GPHN: variants seen among roughly 807,000 people sequenced by gnomAD.
The protein encoded by GPHN is gephyrin.
GPHN carries 17 observed loss-of-function variants against 95.5 expected under a neutral mutation model. The ratio of observed to expected loss-of-function variants is 0.18; its 90% CI spans 0.12 to 0.27. The LOEUF is 0.27. GPHN is among the 10% of genes least tolerant of loss of function. The probability of loss-of-function intolerance (pLI) is 1.00; values close to 1 mark genes in which losing one functional copy is unlikely to be tolerated. For missense variants in GPHN, 660 were observed against 978.1 expected (o/e 0.67, Z 4.34); for synonymous variants, 320 against 322.5 (o/e 0.99, Z 0.08).
chr14:66,868,471 G>A (rs2063310253), intron 4 of GPHN, among the ~76,000 whole-genome samples: 1 of 152,002 alleles, frequency 6.6e-6, no homozygotes, highest in East Asian at 1.9e-4. Context: ...TCGGCTCACT[G>A]CAGCCTCTGC....
At chr14:66,545,120 G>A (rs1479797851) in intron 1 of GPHN, among the ~76,000 whole-genome samples, 4 of 152,202 alleles carry the variant, frequency 2.6e-5, no homozygotes, top group South Asian at 2.1e-4. Context: ...GGTGGTGGCC[G>A]GGCAGAGGGG....
chr14:66,543,581 G>A lies in GPHN; in HGVS notation c.64+34990G>A, dbSNP rs531961231. Among the ~76,000 whole-genome samples, 10 of 152,260 alleles carry A rather than the reference G, an allele frequency of 6.6e-5. No homozygotes were observed. The East Asian group carries it at 1.7e-3, about 26-fold the overall frequency. ...ATCTACTTGACATTACTATTTGGGT[G>A]TCTTAGTGACTTAATTAATATATTC... On this transcript the variant is annotated intron_variant, in intron 1 of 22. Coordinates refer to ENST00000478722, the MANE Select transcript of GPHN (RefSeq NM_020806.5).
intron 12 of GPHN, among the ~76,000 whole-genome samples, chr14:67,091,420 A>G (rs763105174): frequency 1.3e-4 from 19 of 151,718 alleles, no homozygotes; most frequent in Admixed American, 3.3e-4. Flanking sequence ...GGCTTGAAAT[A>G]GTTTCTTATT....
intron 1 of GPHN, among the ~76,000 whole-genome samples, chr14:66,640,856 T>G (rs1234532529): frequency 6.6e-6 from 1 of 152,198 alleles, no homozygotes. Flanking sequence ...CAAGTCTCAG[T>G]TGTATCTGTA....
At chr14:67,067,241 T>C (rs1397621869) in intron 11 of GPHN, among the ~76,000 whole-genome samples, 4 of 152,206 alleles carry the variant, frequency 2.6e-5, no homozygotes, top group African/African-American at 9.6e-5. Flanking sequence ...AGACACTGTT[T>C]CCTTGGGTAT....
chr14:67,036,501 G>GCGCACACACACACACACACACA (rs1555469785), intron 10 of GPHN, among the ~76,000 whole-genome samples: 2 of 118,148 alleles, frequency 1.7e-5, no homozygotes, highest in African/African-American at 7.7e-5. Context: ...ATACATACAT[G>GCGCACACACACACACACACACA]CACACACACA....
At chr14:66,776,217 T>C (rs1340540214) in intron 2 of GPHN, among the ~76,000 whole-genome samples, 1 of 152,192 alleles carries the variant, frequency 6.6e-6, no homozygotes, top group African/African-American at 2.4e-5. Context: ...ATTAAAATCA[T>C]CAATAAGAGG....
intron 3 of GPHN, among the ~76,000 whole-genome samples, chr14:66,793,927 A>G (rs990685618): frequency 2.0e-5 from 3 of 152,196 alleles, no homozygotes; most frequent in Non-Finnish European, 4.4e-5. Flanking sequence ...AAATCCAGAT[A>G]TATCATTAAT....
chr14:66,585,205 G>A (rs2061369962), intron 1 of GPHN, among the ~76,000 whole-genome samples: 1 of 152,128 alleles, frequency 6.6e-6, no homozygotes, highest in South Asian at 2.1e-4. Flanking sequence ...TCTGATGGTA[G>A]TTTGTATTTC....
intron 4 of GPHN, among the ~76,000 whole-genome samples, chr14:66,874,988 A>C (rs1474780199): frequency 6.6e-6 from 1 of 152,204 alleles, no homozygotes; most frequent in African/African-American, 2.4e-5. Context: ...GAAGGAATAA[A>C]TGGTAAGGGC....
the GPHN span, among the ~76,000 whole-genome samples, chr14:67,193,002 A>C: frequency 1.4e-5 from 2 of 146,112 alleles, no homozygotes; most frequent in Non-Finnish European, 3.0e-5. Context: ...ATATCTCTAT[A>C]TATCAATATC....
the GPHN span, chr14:67,733,757 G>C: frequency 1.2e-6 from 2 of 1,612,794 alleles, no homozygotes; most frequent in Non-Finnish European, 1.7e-6. Context: ...GACTGCAAGA[G>C]GACCTGGGTG....
At chr14:66,859,516 G>A (rs575764156) in intron 4 of GPHN, among the ~76,000 whole-genome samples, 11 of 152,278 alleles carry the variant, frequency 7.2e-5, no homozygotes, top group African/African-American at 2.4e-4. Flanking sequence ...GTGCCAACAA[G>A]CCCAGATTGC....
chr14:67,499,557 G>T, the GPHN span, among the ~76,000 whole-genome samples: 1 of 152,214 alleles, frequency 6.6e-6, no homozygotes, highest in Non-Finnish European at 1.5e-5. Flanking sequence ...ATAAATAGGT[G>T]CCAGGCTTGG....
the GPHN span, among the ~76,000 whole-genome samples, chr14:67,193,606 T>A: frequency 6.9e-6 from 1 of 145,638 alleles, no homozygotes; most frequent in Non-Finnish European, 1.5e-5. Context: ...TATCTATAGA[T>A]ATATAGATAG....
In GPHN at chr14:66,843,072, A is replaced by G. The variant is rs150520926; in HGVS notation, c.294+18506A>G. On this transcript the variant is annotated intron_variant, in intron 4 of 22. Transcript: ENST00000478722. ...TGAGAGCTTGCTATTACACTACCCA[A>G]CTGCTTCTGATGATCTGTCATTGTT... Among the ~76,000 whole-genome samples, 18 of 151,820 alleles carry G rather than the reference A, an allele frequency of 1.2e-4. No homozygotes were observed. The East Asian group carries it at 3.3e-3, about 28-fold the overall frequency.
At chr14:66,531,601 A>G (rs886991330) in intron 1 of GPHN, among the ~76,000 whole-genome samples, 42 of 152,148 alleles carry the variant, frequency 2.8e-4, no homozygotes, top group African/African-American at 1.0e-3. Context: ...ATGGTAATGG[A>G]TCTAATTTTG....
chr14:67,179,517 T>G, intron 21 of GPHN, 61 bp from the exon 22 acceptor site: 1 of 938,042 alleles, frequency 1.1e-6, no homozygotes. Context: ...CCCTACTATC[T>G]TGTATTTTTG....
the GPHN span, chr14:67,343,388 T>C: frequency 6.2e-7 from 1 of 1,612,376 alleles, no homozygotes. Context: ...CAATGGCATT[T>C]ACACGCCTGT....
Sources: allele counts gnomAD v4.1 joint callset (sites outside exome capture counted in the v4.1 genomes callset), GRCh38; gene constraint gnomAD v4.1.1; transcripts MANE v1.5; gene names NCBI Gene and HGNC (gene_info 2026-07-23, HGNC 2026-07-21).